The following ARID1B variants were observed in gnomAD, a reference collection of about 807,000 sequenced individuals.
ARID1B encodes AT-rich interaction domain 1B.
ARID1B carries 30 observed loss-of-function variants against 212.3 expected under a neutral mutation model. The ratio of observed to expected loss-of-function variants is 0.14; its 90% confidence interval spans 0.11 to 0.19. The LOEUF (loss-of-function observed/expected upper bound fraction) is 0.19. ARID1B is among the 10% of genes least tolerant of loss of function. The probability of loss-of-function intolerance (pLI) is 1.00; values close to 1 mark genes in which losing one functional copy is unlikely to be tolerated. For missense variants in ARID1B, 2,891 were observed against 3,204.0 expected (o/e 0.90, Z 2.36); for synonymous variants, 1,402 against 1,301.7 (o/e 1.08, Z -1.66).
intron 2 of ARID1B, among the ~76,000 whole-genome samples, chr6:156,861,195 G>A (rs1429417222): frequency 1.3e-5 from 2 of 152,172 alleles, no homozygotes; most frequent in South Asian, 2.1e-4. Flanking sequence ...GGGGAGGGGG[G>A]ACAGGCATGT....
intron 2 of ARID1B, among the ~76,000 whole-genome samples, chr6:156,836,700 T>C (rs1424373931): frequency 2.0e-5 from 3 of 152,194 alleles, no homozygotes; most frequent in African/African-American, 4.8e-5. Context: ...GGTCCTGCTG[T>C]GTCACCCAGG....
intron 8 of ARID1B, among the ~76,000 whole-genome samples, chr6:157,164,456 T>C (rs754218903): frequency 5.3e-5 from 8 of 152,358 alleles, no homozygotes; most frequent in Non-Finnish European, 1.2e-4. Context: ...TGATTCTCTT[T>C]TTTACCTTAG....
chr6:157,128,550 A>G (rs1414409780), intron 6 of ARID1B, among the ~76,000 whole-genome samples: 4 of 152,172 alleles, frequency 2.6e-5, no homozygotes, highest in African/African-American at 9.7e-5. Context: ...AGGTCATAAC[A>G]CTTCCTCTTA....
chr6:156,930,476 A>G (rs1032608230), intron 3 of ARID1B, among the ~76,000 whole-genome samples: 24 of 152,298 alleles, frequency 1.6e-4, no homozygotes, highest in African/African-American at 5.8e-4. Context: ...TTTATAAATT[A>G]TGCAGTCTTA....
intron 4 of ARID1B, among the ~76,000 whole-genome samples, chr6:157,073,451 C>T (rs373772845): frequency 1.8e-4 from 28 of 152,162 alleles, no homozygotes; most frequent in African/African-American, 6.5e-4. Context: ...AAGTCATTTA[C>T]ACATTCTTTA....
intron 2 of ARID1B, among the ~76,000 whole-genome samples, chr6:156,893,780 C>G (rs926571950): frequency 5.9e-5 from 9 of 152,034 alleles, no homozygotes; most frequent in African/African-American, 2.2e-4. Flanking sequence ...TAAGAAAAAC[C>G]CAGAAAATAC....
chr6:157,011,613 G>A (rs144799018), intron 4 of ARID1B, among the ~76,000 whole-genome samples: 19 of 152,250 alleles, frequency 1.2e-4, no homozygotes, highest in South Asian at 6.2e-4. Context: ...ATGAACAACC[G>A]TTTCACAATA....
rs1046394316 is a variant in ARID1B at position 156,777,818 on chromosome 6, CGCG to C, written c.156_158del (p.Ala53del). On this transcript the variant is annotated inframe_deletion, in exon 1 of 20. Transcript: ENST00000636930. ...GGGACCTGGAGGCGGGGGCGCGCGG[CGCG>C]GCGGCGGCGGCGGCGGCACCGGGAC... 899 of 1,002,008 alleles carry C rather than the reference CGCG, an allele frequency of 9.0e-4. No individual in the cohort carries two copies. The highest frequency in any genetic ancestry group is 3.4e-3 in the East Asian group (39 of 11,636). 62.1% of individuals were successfully genotyped at this position (1,002,008 alleles called of 1,614,324 possible).
At chr6:157,053,049 A>G (rs1483900610) in intron 4 of ARID1B, among the ~76,000 whole-genome samples, 2 of 152,018 alleles carry the variant, frequency 1.3e-5, no homozygotes, top group East Asian at 3.9e-4. Context: ...CTGATTTACA[A>G]CAGTGCAAAA....
intron 4 of ARID1B, among the ~76,000 whole-genome samples, chr6:157,001,856 C>A (rs1392974951): frequency 3.3e-5 from 5 of 152,168 alleles, no homozygotes; most frequent in East Asian, 1.9e-4. Flanking sequence ...CCCAGGAATT[C>A]GGCCGGAGGA....
At chr6:157,161,791 G>C (rs1345757405) in intron 8 of ARID1B, among the ~76,000 whole-genome samples, 3 of 152,158 alleles carry the variant, frequency 2.0e-5, no homozygotes, top group South Asian at 2.1e-4. Context: ...AGTGCCCCAA[G>C]TTTTAGTGTT....
chr6:156,804,559 C>T (rs557428310), intron 1 of ARID1B, among the ~76,000 whole-genome samples: 2 of 152,064 alleles, frequency 1.3e-5, no homozygotes, highest in African/African-American at 4.8e-5. Flanking sequence ...GAAGGCACCT[C>T]TTCACAGGGT....
rs779154161 is a variant in ARID1B, at chr6:157,133,142, G to C, written c.2696G>C (p.Ser899Thr). The C allele has an allele frequency of 6.2e-7, 1 of 1,614,184 alleles. No homozygotes were observed. Among genetic ancestry groups the C allele is most frequent in the Non-Finnish European group, 8.5e-7 (1 of 1,180,030 alleles). ...GGGGGCCAGATGCATGCTGGAATCA[G>C]TAGCTTTCAGCAGAGTAACTCAAGT... ...SPGGQMHAGI[S>T]SFQQSNSSGT... Residue 899 changes from serine to threonine, a missense_variant, in exon 7 of 20, where the codon AGT (serine) becomes ACT (threonine). This residue lies in a region of ARID1B where 1,643 missense variants were observed against 1,544.0 expected (regional missense o/e 1.06). Coordinates refer to ENST00000636930, the MANE Select transcript of ARID1B (RefSeq NM_001374828.1).
chr6:157,139,727 AT>A lies in ARID1B; in HGVS notation c.2761+6532del, dbSNP rs796777120. ...AGAGAGAGCTATATATATAATTATT[AT>A]TTTTTTTTTTTGAAGATGGAGTTTT... On this transcript the variant is annotated intron_variant, in intron 7 of 19. Transcript: ENST00000636930. 5.8e-3 allele frequency among the ~76,000 whole-genome samples: 841 copies of A among 145,430 alleles called. 7 individuals carry two copies. The highest frequency in any genetic ancestry group is 0.016 in the African/African-American group (630 of 39,862).
intron 2 of ARID1B, among the ~76,000 whole-genome samples, chr6:156,848,816 C>T (rs1784397456): frequency 6.6e-6 from 1 of 152,196 alleles, no homozygotes; most frequent in African/African-American, 2.4e-5. Context: ...TGTGGGGAGG[C>T]CCTGCTGCCT....
At position 157,201,466 on chromosome 6, in the gene ARID1B, A is replaced by G; in HGVS notation, c.5241A>G (p.Arg1747=). 6.6e-7 allele frequency: 1 copy of G among 1,508,308 alleles called. No homozygotes were observed. The highest frequency in any genetic ancestry group is 8.9e-7 in the Non-Finnish European group (1 of 1,127,388). 93.4% of individuals were successfully genotyped at this position (1,508,308 alleles called of 1,614,324 possible). ...CACAACCAGTCTTGAAACAAAGGCGAAAGATTACCTCCAAAGATATCGGTA... is the reference window on the plus strand; with the variant it reads ...CACAACCAGTCTTGAAACAAAGGCGGAAGATTACCTCCAAAGATATCGGTA... ...EASQPVLKQR[R]KITSKDIVTP... Residue 1747 remains arginine, a synonymous_variant, in exon 18 of 20, where the codon CGA becomes CGG. Transcript: ENST00000636930. This position sits in a 1 kb window ranked among gnomAD's most constrained non-coding sequence, Gnocchi z 5.2.
chr6:156,951,714 A>T (rs565364695), intron 4 of ARID1B, among the ~76,000 whole-genome samples: 2 of 152,258 alleles, frequency 1.3e-5, no homozygotes, highest in African/African-American at 4.8e-5. Flanking sequence ...AAGTGTTGGG[A>T]TTACAGGTGT....
intron 4 of ARID1B, 44 bp downstream of exon 4, chr6:156,935,620 A>G (rs369152522): frequency 6.7e-7 from 1 of 1,497,690 alleles, no homozygotes; most frequent in Non-Finnish European, 9.3e-7. Flanking sequence ...TGAGTTAAAG[A>G]CTTTTAGAAA....
chr6:156,978,487 A>G (rs1224191848), intron 4 of ARID1B, among the ~76,000 whole-genome samples: 5 of 152,214 alleles, frequency 3.3e-5, no homozygotes, highest in Non-Finnish European at 7.3e-5. Context: ...TGATTTCTTC[A>G]TAGCTGTTAT....
Sources: gnomAD v4.1 joint callset for allele counts (sites outside exome capture counted in the v4.1 genomes callset) on GRCh38, gnomAD v4.1.1 for gene constraint, gnomAD v4.1.1 regional missense constraint, Gnocchi (gnomAD v3.1) non-coding constraint, MANE v1.5 for transcripts, NCBI Gene and HGNC (gene_info 2026-07-23, HGNC 2026-07-21) for gene names.